The following KIRREL3 variants were observed in gnomAD, a reference collection of about 807,000 sequenced individuals.
KIRREL3 encodes kin of IRRE-like protein 3.
Under a neutral mutation model 89.7 loss-of-function variants are expected in KIRREL3, and 36 were observed. The ratio of observed to expected loss-of-function variants is 0.40; its 90% CI spans 0.31 to 0.53. The LOEUF is 0.53. KIRREL3 is among the 20% of genes least tolerant of loss of function. KIRREL3 has a pLI of 0.49. For synonymous variants in KIRREL3, 445 were observed against 441.4 expected, an observed-to-expected ratio of 1.01 and a Z score of -0.10; for missense variants, 864 against 1,056.6, an observed-to-expected ratio of 0.82 and a Z score of 2.53.
Position 126,801,774 on chromosome 11 carries a change from T to C in KIRREL3, c.55+198681A>G, listed in dbSNP as rs77959826. ...GTAATAAATTCTTAGTTAATATTTG[T>C]TTGAAATACAAAGTCATGCTGGGAG... On this transcript the variant is annotated intron_variant, in intron 1 of 16. Coordinates refer to ENST00000525144, the MANE Select transcript of KIRREL3 (RefSeq NM_032531.4). Among the ~76,000 whole-genome samples the C allele has an allele frequency of 3.6e-3, 553 of 152,258 alleles. 1 individual carries two copies. The highest frequency in any genetic ancestry group is 6.4e-3 in the Non-Finnish European group (432 of 68,024).
In KIRREL3 at chr11:126,496,088, C is replaced by G. The variant is rs924818016; in HGVS notation, c.434-22622G>C. Among the ~76,000 whole-genome samples the G allele has an allele frequency of 1.3e-5, 2 of 152,166 alleles. No homozygotes were observed. The highest frequency in any genetic ancestry group is 2.9e-5 in the Non-Finnish European group (2 of 68,042). On this transcript the variant is annotated intron_variant, in intron 4 of 16. Coordinates refer to ENST00000525144, the MANE Select transcript of KIRREL3 (RefSeq NM_032531.4). The surrounding 1 kb of genome is among the most constrained non-coding windows in gnomAD (Gnocchi z 4.9). ...AGAGATCCAGAACCATTCAGCTAAG[C>G]CAGGCTCAGTTTCTTGACCTGCAGA...
At chr11:126,699,147 G>A (rs1467838485) in intron 1 of KIRREL3, among the ~76,000 whole-genome samples, 1 of 152,150 alleles carries the variant, frequency 6.6e-6, no homozygotes, top group Admixed American at 6.5e-5. Flanking sequence ...TAGAGGTGTG[G>A]TGGTGGCAGT....
chr11:126,895,781 C>T (rs1325029875), intron 1 of KIRREL3, among the ~76,000 whole-genome samples: 4 of 152,154 alleles, frequency 2.6e-5, no homozygotes, highest in African/African-American at 9.7e-5. Flanking sequence ...CTAACTTCCC[C>T]TTTACTGCTG....
chr11:126,879,977 T>C lies in KIRREL3; in HGVS notation c.55+120478A>G, dbSNP rs543876997. On this transcript the variant is annotated intron_variant, in intron 1 of 16. Coordinates refer to ENST00000525144, the MANE Select transcript of KIRREL3 (RefSeq NM_032531.4). The surrounding 1 kb of genome is among the most constrained non-coding windows in gnomAD (Gnocchi z 5.4). ...TATGTACTGGGAAGTCTTGTGCCTA[T>C]GGAAATTCCTTGAGATAGAAAAGCT... Among the ~76,000 whole-genome samples, 36 of 152,224 alleles carry C rather than the reference T, an allele frequency of 2.4e-4. No homozygotes were observed. The highest frequency in any genetic ancestry group is 1.0e-4 in the Non-Finnish European group (7 of 68,040).
Position 126,666,921 on chromosome 11 carries a change from G to A in KIRREL3, c.56-104009C>T, listed in dbSNP as rs1468004208. On this transcript the variant is annotated intron_variant, in intron 1 of 16. Coordinates refer to ENST00000525144, the MANE Select transcript of KIRREL3 (RefSeq NM_032531.4). This position sits in a 1 kb window ranked among gnomAD's most constrained non-coding sequence, Gnocchi z 4.2. ...GAGAGGGCTTAGCCAACAGTCTCAG[G>A]GTCAGCATTTCCTAGTCCTACAAGA... 3.9e-5 allele frequency among the ~76,000 whole-genome samples: 6 copies of A among 152,112 alleles called. No homozygotes were observed. Among genetic ancestry groups the A allele is most frequent in the African/African-American group, 1.4e-4 (6 of 41,424 alleles).
At chr11:126,468,098 C>G (rs1956781920) in intron 5 of KIRREL3, among the ~76,000 whole-genome samples, 2 of 152,216 alleles carry the variant, frequency 1.3e-5, no homozygotes, top group Non-Finnish European at 2.9e-5. Context: ...CCTTGCAACC[C>G]TCCTGCCTGG....
In KIRREL3 at chr11:126,867,310, C is replaced by G. The variant is rs549549251; in HGVS notation, c.55+133145G>C. On this transcript the variant is annotated intron_variant, in intron 1 of 16. Transcript: ENST00000525144. The surrounding 1 kb of genome is among the most constrained non-coding windows in gnomAD (Gnocchi z 4.7). ...TCAGGACCTGTGCTGGGACTCTCCT[C>G]TCATTACCTGCACTCCAATGGGTCC... Among the ~76,000 whole-genome samples, 2 of 152,334 alleles carry G rather than the reference C, an allele frequency of 1.3e-5. No homozygotes were observed. The highest frequency in any genetic ancestry group is 1.9e-4 in the East Asian group (1 of 5,182).
chr11:126,856,042 C>A lies in KIRREL3; in HGVS notation c.55+144413G>T, dbSNP rs573156261. 1.0e-3 allele frequency among the ~76,000 whole-genome samples: 152 copies of A among 152,294 alleles called. No homozygotes were observed. The Middle Eastern group carries it at 0.01, about 10-fold the overall frequency. ...AGCCTAGTATTTCCCAAAGTTGGTT[C>A]CTGGGATGAAAGTCCCTAAAATGCA... On this transcript the variant is annotated intron_variant, in intron 1 of 16. Transcript: ENST00000525144.
chr11:126,593,534 C>A, intron 1 of KIRREL3, among the ~76,000 whole-genome samples: 1 of 152,192 alleles, frequency 6.6e-6, no homozygotes. Flanking sequence ...GCAATGAACA[C>A]CCGGCTGGAC....
intron 1 of KIRREL3, among the ~76,000 whole-genome samples, chr11:126,929,698 C>A (rs1947859135): frequency 6.6e-6 from 1 of 152,188 alleles, no homozygotes; most frequent in African/African-American, 2.4e-5. Context: ...ACCAAAAATC[C>A]AGCCTGCCTG....
intron 1 of KIRREL3, among the ~76,000 whole-genome samples, chr11:126,833,239 G>A (rs773929853): frequency 6.6e-6 from 1 of 152,186 alleles, no homozygotes; most frequent in Non-Finnish European, 1.5e-5. Context: ...CCTCAGTTAA[G>A]TATTTTATTT....
chr11:126,438,677 C>CA (rs1283755071), intron 11 of KIRREL3, among the ~76,000 whole-genome samples: 1 of 152,190 alleles, frequency 6.6e-6, no homozygotes, highest in Non-Finnish European at 1.5e-5. Flanking sequence ...TTAAAAACAT[C>CA]AAAAAGCAAA....
chr11:126,777,732 T>C (rs1950209992), intron 1 of KIRREL3, among the ~76,000 whole-genome samples: 1 of 152,224 alleles, frequency 6.6e-6, no homozygotes. Context: ...TCTGCATCTT[T>C]GAAGAGGGGC....
In KIRREL3 at chr11:126,990,484, C is replaced by G. The variant is rs924498049; in HGVS notation, c.55+9971G>C. On this transcript the variant is annotated intron_variant, in intron 1 of 16. Coordinates refer to ENST00000525144, the MANE Select transcript of KIRREL3 (RefSeq NM_032531.4). The surrounding 1 kb of genome is among the most constrained non-coding windows in gnomAD (Gnocchi z 6.3). ...GCAGCCACTAGGCTTTCCCCTTCCCCGTCCTAAGGGACCTCCCGGGCTCTG... is the reference window on the plus strand; with the variant it reads ...GCAGCCACTAGGCTTTCCCCTTCCCGGTCCTAAGGGACCTCCCGGGCTCTG... 1.3e-5 allele frequency among the ~76,000 whole-genome samples: 2 copies of G among 152,184 alleles called. No individual in the cohort carries two copies. The highest frequency in any genetic ancestry group is 2.9e-5 in the Non-Finnish European group (2 of 68,030).
At position 126,734,784 on chromosome 11, in the gene KIRREL3, G is replaced by A. The variant is rs1241722996; in HGVS notation, c.56-171872C>T. 6.6e-6 allele frequency among the ~76,000 whole-genome samples: 1 copy of A among 152,218 alleles called. No homozygotes were observed. Among genetic ancestry groups the A allele is most frequent in the Non-Finnish European group, 1.5e-5 (1 of 68,040 alleles). ...AGTGCTAAGGAATCACAGTGGTGGA[G>A]ACTGATGAGCAGGTCAGAGAAGTTT... On this transcript the variant is annotated intron_variant, in intron 1 of 16. Transcript: ENST00000525144. This position sits in a 1 kb window ranked among gnomAD's most constrained non-coding sequence, Gnocchi z 5.9.
At chr11:126,758,725 C>T (rs1233766787) in intron 1 of KIRREL3, among the ~76,000 whole-genome samples, 1 of 152,190 alleles carries the variant, frequency 6.6e-6, no homozygotes, top group Non-Finnish European at 1.5e-5. Flanking sequence ...AGTGTCAGTG[C>T]ATACAGAACT....
chr11:126,981,822 T>C lies in KIRREL3; in HGVS notation c.55+18633A>G, dbSNP rs1463748068. Among the ~76,000 whole-genome samples, 1 of 152,206 alleles carries C rather than the reference T, an allele frequency of 6.6e-6. No individual in the cohort carries two copies. Among genetic ancestry groups the C allele is most frequent in the Non-Finnish European group, 1.5e-5 (1 of 68,032 alleles). Reference sequence around the variant, plus strand: ...GCCTGAGGTTTCTGTTGACAGTGCCTGGAGGAGCCATCTGAGCTTCTGTAG... The same window carrying C: ...GCCTGAGGTTTCTGTTGACAGTGCCCGGAGGAGCCATCTGAGCTTCTGTAG... On this transcript the variant is annotated intron_variant, in intron 1 of 16. Transcript: ENST00000525144. This position sits in a 1 kb window ranked among gnomAD's most constrained non-coding sequence, Gnocchi z 4.2.
At chr11:126,439,496 T>C (rs202100112) in intron 11 of KIRREL3, among the ~76,000 whole-genome samples, 7,037 of 121,694 alleles carry the variant, frequency 0.058, 297 homozygotes, top group East Asian at 0.28. Context: ...ATGAGGCTCC[T>C]GCTCAGTAAG....
rs1958576382 is a variant in KIRREL3, at chr11:126,521,251, C to A, written c.433+64G>T. 2.8e-6 allele frequency: 4 copies of A among 1,448,546 alleles called. No homozygotes were observed. Among genetic ancestry groups the A allele is most frequent in the Non-Finnish European group, 3.7e-6 (4 of 1,092,272 alleles). 89.7% of individuals were successfully genotyped at this position (1,448,546 alleles called of 1,614,324 possible). On this transcript the variant is annotated intron_variant, in intron 4 of 16. Coordinates refer to ENST00000525144, the MANE Select transcript of KIRREL3 (RefSeq NM_032531.4). The surrounding 1 kb of genome is among the most constrained non-coding windows in gnomAD (Gnocchi z 4.1). ...CCCCATGTCTGACCAAAAAAATACC[C>A]TCTTGGAGCTGAGCCCTTGGTGCTT...
Sources: allele counts gnomAD v4.1 joint callset (sites outside exome capture counted in the v4.1 genomes callset), GRCh38; gene constraint gnomAD v4.1.1; non-coding constraint Gnocchi (gnomAD v3.1); transcripts MANE v1.5; gene names NCBI Gene and HGNC (gene_info 2026-07-23, HGNC 2026-07-21).